The following ZNF142 variants were observed in gnomAD, a reference collection of about 807,000 sequenced individuals.
The protein encoded by ZNF142 is zinc finger protein 142.
In ZNF142, 96 loss-of-function variants were observed where a neutral mutation model predicts 132.1. The observed-to-expected ratio is 0.73, with a 90% CI of 0.62 to 0.86. The LOEUF (loss-of-function observed/expected upper bound fraction) is 0.86, where lower values mean the gene tolerates loss of function less well. Ranked by LOEUF, ZNF142 falls within the 40% of genes least tolerant of loss-of-function variation. ZNF142 has a pLI of 0.00. For missense variants in ZNF142, 2,163 were observed against 2,336.2 expected, an observed-to-expected ratio of 0.93 and a Z score of 1.53; for synonymous variants, 842 against 890.1, an observed-to-expected ratio of 0.95 and a Z score of 0.96.
chr2:218,647,382 C>T (rs1697828519), intron 7 of ZNF142, among the ~76,000 whole-genome samples: 2 of 120,446 alleles, frequency 1.7e-5, no homozygotes, highest in Non-Finnish European at 3.2e-5. Context: ...GAGATTGGGC[C>T]ACTTTACTCC....
chr2:218,638,410 G>T lies in ZNF142; in HGVS notation c.5593C>A (p.Leu1865Met). ...GKDPTTPTVH[L>M]HDVQLEDPSP... Reference sequence around the variant, plus strand: ...GGATCCTCCAGCTGCACATCATGCAGGTGCACTGTGGGGGTGGTGGGGTCT... The same window carrying T: ...GGATCCTCCAGCTGCACATCATGCATGTGCACTGTGGGGGTGGTGGGGTCT... Residue 1865 changes from leucine to methionine, a missense_variant, in exon 11 of 11, where the codon CTG becomes ATG. Coordinates refer to ENST00000411696, the MANE Select transcript of ZNF142 (RefSeq NM_001379659.1). 6.5e-7 allele frequency: 1 copy of T among 1,550,218 alleles called. No individual in the cohort carries two copies. Among genetic ancestry groups the T allele is most frequent in the Non-Finnish European group, 8.7e-7 (1 of 1,143,298 alleles).
rs983442867 is a variant in ZNF142, at chr2:218,642,880, C to T, written c.4236G>A (p.Arg1412=). The T allele has an allele frequency of 4.3e-6, 7 of 1,614,006 alleles. No homozygotes were observed. The African/African-American group carries it at 8.0e-5, about 18-fold the overall frequency. ...GGGACTGGTGAGCCTCTAACCGGTACCGTCTGGTGGTCGAAAAGTCACAGA... is the reference window on the plus strand; with the variant it reads ...GGGACTGGTGAGCCTCTAACCGGTATCGTCTGGTGGTCGAAAAGTCACAGA... ...CPFCDFSTTR[R]YRLEAHQSRH... is the part of the protein sequence containing the mutation. Residue 1412 remains arginine (R), a synonymous_variant, in exon 9 of 11, where the codon CGG becomes CGA. Transcript: ENST00000411696. This position sits in a 1 kb window ranked among gnomAD's most constrained non-coding sequence, Gnocchi z 4.6.
chr2:218,656,680 C>G (rs904648236), intron 3 of ZNF142, among the ~76,000 whole-genome samples: 1 of 152,138 alleles, frequency 6.6e-6, no homozygotes, highest in Non-Finnish European at 1.5e-5. Flanking sequence ...AGACAGCCAA[C>G]AAGTATTGGC....
rs761385164 is a variant in ZNF142 at position 218,643,167 on chromosome 2, G to A, written c.3949C>T (p.Arg1317Trp). The change falls in exon 9 of 11, where the codon CGG (arginine) becomes TGG (tryptophan). Residue 1317 changes from arginine (R) to tryptophan (W), a missense_variant. Around this residue, in one of 7 missense-constraint regions of ZNF142, gnomAD observed 809 missense variants for 801.7 expected, o/e 1.01. Coordinates refer to ENST00000411696, the MANE Select transcript of ZNF142 (RefSeq NM_001379659.1). Reference sequence around the variant, plus strand: ...CGGATCTGGTGAGTCCTCAGAGCCCGTTCCTGCTGGCAGCTAAAGGGACAT... The same window carrying A: ...CGGATCTGGTGAGTCCTCAGAGCCCATTCCTGCTGGCAGCTAAAGGGACAT... ...PTCPFSCQQE[R>W]ALRTHQIRGC... The A allele has an allele frequency of 8.1e-6, 13 of 1,614,112 alleles. No individual in the cohort carries two copies. The highest frequency in any genetic ancestry group is 3.3e-5 in the Admixed American group (2 of 60,012).
rs199840667 is a variant in ZNF142 at position 218,652,022 on chromosome 2, G to A, written c.559C>T (p.Arg187Trp). The change falls in exon 5 of 11, where the codon CGG becomes TGG. Residue 187 changes from arginine (R) to tryptophan (W), a missense_variant. By Grantham distance (101) the Arg-to-Trp change is moderately radical. Around this residue, in one of 7 missense-constraint regions of ZNF142, gnomAD observed 195 missense variants for 172.4 expected, o/e 1.13. Transcript: ENST00000411696. ...QALKSHFKIHRGTPDTFSCPE... is the reference protein window; with the variant it reads ...QALKSHFKIHWGTPDTFSCPE... The stretch of plus-strand genomic sequence containing the variant: ...CAGGAGAAGGTGTCAGGAGTGCCCC[G>A]GTGAATCTTGAAGTGGCTCTTCAGG... The A allele has an allele frequency of 8.6e-5, 48 of 556,372 alleles. 1 individual carries two copies. The highest frequency in any genetic ancestry group is 6.3e-4 in the Admixed American group (27 of 42,662). 34.5% of individuals were successfully genotyped at this position (556,372 alleles called of 1,614,324 possible).
chr2:218,644,394 TCA>T lies in ZNF142; in HGVS notation c.2720_2721del (p.Val907AspfsTer2). ...GTGACCTCCTCAAGGGGTGGCTCAG[TCA>T]CAGACTCCAGCTCTACTCCCAGGGC... The part of the protein sequence containing the change: ...LEALGVELES[V>X]TEPPLEEVTE... On this transcript the variant is annotated frameshift_variant, in exon 9 of 11. Transcript: ENST00000411696. LOFTEE classifies it high-confidence loss of function. This position sits in a 1 kb window ranked among gnomAD's most constrained non-coding sequence, Gnocchi z 4.6. 6.2e-7 allele frequency: 1 copy of T among 1,614,056 alleles called. No homozygotes were observed. Among genetic ancestry groups the T allele is most frequent in the South Asian group, 1.1e-5 (1 of 91,082 alleles).
rs1314631534 is a variant in ZNF142, at chr2:218,643,136, C to G, written c.3980G>C (p.Cys1327Ser). The G allele has an allele frequency of 6.2e-6, 10 of 1,613,918 alleles. No individual in the cohort carries two copies. Among genetic ancestry groups the G allele is most frequent in the Non-Finnish European group, 8.5e-6 (10 of 1,179,970 alleles). Residue 1327 changes from cysteine to serine, a missense_variant, in exon 9 of 11, where the codon TGC (cysteine) becomes TCC (serine). By Grantham distance (112) the Cys-to-Ser change is moderately radical. Around this residue, in one of 7 missense-constraint regions of ZNF142, gnomAD observed 809 missense variants for 801.7 expected, o/e 1.01. Transcript: ENST00000411696. ...CAGCTCTCCAGACTCCTCGAGGGGGCAGCCCCGGATCTGGTGAGTCCTCAG... is the reference window on the plus strand; with the variant it reads ...CAGCTCTCCAGACTCCTCGAGGGGGGAGCCCCGGATCTGGTGAGTCCTCAG... ...RALRTHQIRG[C>S]PLEESGELHC...
At chr2:218,640,061 C>CAAAAAAAAAAAAAAAAAAA (rs35136548) in intron 10 of ZNF142, among the ~76,000 whole-genome samples, 1 of 44,316 alleles carries the variant, frequency 2.3e-5, no homozygotes, top group African/African-American at 1.0e-4. Context: ...GACTCTGTCT[C>CAAAAAAAAAAAAAAAAAAA]AAAAAAAAAA....
chr2:218,655,106 C>CA (rs1363375249), intron 4 of ZNF142, among the ~76,000 whole-genome samples: 1 of 152,018 alleles, frequency 6.6e-6, no homozygotes, highest in Non-Finnish European at 1.5e-5. Context: ...CCCCCAAAAC[C>CA]AAAAGAAAAC....
rs776248368 is a variant in ZNF142, at chr2:218,650,379, T to C, written c.1028A>G (p.Gln343Arg). 1 of 1,614,196 alleles carries C rather than the reference T, an allele frequency of 6.2e-7. No individual in the cohort carries two copies. The highest frequency in any genetic ancestry group is 8.5e-7 in the Non-Finnish European group (1 of 1,180,030). ...ATTACCTTCCAGCCGCTGAGCCCCT[T>C]GGCCTTTATCCACAGCCTTTTGGGA... ...KDSQKAVDKG[Q>R]GAQRLEGDVV... The change falls in exon 6 of 11, where the codon CAA (glutamine) becomes CGA (arginine). Residue 343 changes from glutamine to arginine, a missense_variant. This residue lies in a region of ZNF142 where 749 missense variants were observed against 830.3 expected (regional missense o/e 0.90). Coordinates refer to ENST00000411696, the MANE Select transcript of ZNF142 (RefSeq NM_001379659.1).
At chr2:218,649,874 T>A (rs570639060) in intron 6 of ZNF142, among the ~76,000 whole-genome samples, 106 of 152,366 alleles carry the variant, frequency 7.0e-4, no homozygotes, top group African/African-American at 2.5e-3. Context: ...TCTTACTGGC[T>A]CACAGGCTCT....
intron 4 of ZNF142, among the ~76,000 whole-genome samples, chr2:218,654,432 T>C (rs1938299517): frequency 6.6e-6 from 1 of 151,648 alleles, no homozygotes; most frequent in Non-Finnish European, 1.5e-5. Context: ...AGTGGTGCGA[T>C]CTTGGCTCAC....
intron 8 of ZNF142, 86 bp downstream of exon 8, chr2:218,646,085 A>C (rs1697701124): frequency 1.3e-6 from 2 of 1,539,052 alleles, no homozygotes; most frequent in Non-Finnish European, 1.8e-6. Context: ...CCGGAGAAAG[A>C]AATAGGGCCA....
At position 218,650,420 on chromosome 2, in the gene ZNF142, A is replaced by G; in HGVS notation, c.987T>C (p.Ser329=). 6.2e-7 allele frequency: 1 copy of G among 1,613,742 alleles called. No homozygotes were observed. Among genetic ancestry groups the G allele is most frequent in the East Asian group, 2.2e-5 (1 of 44,836 alleles). The change falls in exon 6 of 11, where the codon AGT becomes AGC. Residue 329 remains serine (S), a synonymous_variant. Coordinates refer to ENST00000411696, the MANE Select transcript of ZNF142 (RefSeq NM_001379659.1). ...CCTTTTGGGAGTCCTTCTGGGTGTC[A>G]CTCTTCTCTTCTTTCTCTACATTCT... ...EEENVEKEEK[S]DTQKDSQKAV... is the part of the protein sequence containing the mutation.
Position 218,633,726 on chromosome 2 carries a change from C to G in ZNF142, c.*4613G>C. 1 of 1,613,956 alleles carries G rather than the reference C, an allele frequency of 6.2e-7. No individual in the cohort carries two copies. Among genetic ancestry groups the G allele is most frequent in the South Asian group, 1.1e-5 (1 of 91,080 alleles). Reference sequence around the variant, plus strand: ...CACTTCTACGAGATATCATCTTTCTCTGAAACCAAGGCCAAGCGCCTCATC... The same window carrying G: ...CACTTCTACGAGATATCATCTTTCTGTGAAACCAAGGCCAAGCGCCTCATC... On this transcript the variant is annotated 3_prime_UTR_variant, in exon 11 of 11. Transcript: ENST00000411696.
In ZNF142 at chr2:218,643,436, T is replaced by C. The variant is rs1697429382; in HGVS notation, c.3680A>G (p.His1227Arg). ...KKHRFEQGKF[H>R]CNSCPFLCSR... is the part of the protein sequence containing the mutation. The stretch of plus-strand genomic sequence containing the variant: ...ACAAAGGAATGGGCAGGAGTTGCAG[T>C]GAAACTTGCCCTGCTCAAAGCGGTG... The change falls in exon 9 of 11, where the codon CAC (histidine) becomes CGC (arginine). Residue 1227 changes from histidine to arginine, a missense_variant. Coordinates refer to ENST00000411696, the MANE Select transcript of ZNF142 (RefSeq NM_001379659.1). 1 of 1,614,246 alleles carries C rather than the reference T, an allele frequency of 6.2e-7. No homozygotes were observed. Among genetic ancestry groups the C allele is most frequent in the East Asian group, 2.2e-5 (1 of 44,882 alleles).
At chr2:218,651,408 T>C (rs1009819622) in intron 5 of ZNF142, among the ~76,000 whole-genome samples, 1 of 152,240 alleles carries the variant, frequency 6.6e-6, no homozygotes, top group Non-Finnish European at 1.5e-5. Context: ...ACTTTAGCTC[T>C]CAGAAAGTTG....
In ZNF142 at chr2:218,635,294, T is replaced by C. The variant is rs543538815; in HGVS notation, c.*3045A>G. 3.3e-5 allele frequency among the ~76,000 whole-genome samples: 5 copies of C among 152,034 alleles called. No homozygotes were observed. Among genetic ancestry groups the C allele is most frequent in the Non-Finnish European group, 7.4e-5 (5 of 68,004 alleles). ...GAAAAAAAAAAAGTGGCTGCTGTCATTAGCATGCCTACTTTCAAACTGTTG... is the reference window on the plus strand; with the variant it reads ...GAAAAAAAAAAAGTGGCTGCTGTCACTAGCATGCCTACTTTCAAACTGTTG... On this transcript the variant is annotated 3_prime_UTR_variant, in exon 11 of 11. Transcript: ENST00000411696.
rs763998966 is a variant in ZNF142 at position 218,643,585 on chromosome 2, C to T, written c.3531G>A (p.Lys1177=). The change falls in exon 9 of 11, where the codon AAG becomes AAA. Residue 1177 remains lysine (K), a synonymous_variant. Coordinates refer to ENST00000411696, the MANE Select transcript of ZNF142 (RefSeq NM_001379659.1). ...AGNSLPTEAP[K]KHCFDPVPPA... ...GAGGGACTGGGTCAAAGCAGTGCTT[C>T]TTAGGGGCCTCTGTGGGCAAGGAGT... 2 of 1,577,112 alleles carry T rather than the reference C, an allele frequency of 1.3e-6. No individual in the cohort carries two copies. Among genetic ancestry groups the T allele is most frequent in the African/African-American group, 1.4e-5 (1 of 73,688 alleles).
Sources: gnomAD v4.1 joint callset for allele counts (sites outside exome capture counted in the v4.1 genomes callset) on GRCh38, gnomAD v4.1.1 for gene constraint, gnomAD v4.1.1 regional missense constraint, Gnocchi (gnomAD v3.1) non-coding constraint, MANE v1.5 for transcripts, NCBI Gene and HGNC (gene_info 2026-07-23, HGNC 2026-07-21) for gene names.